STK33: variants seen among roughly 807,000 people sequenced by gnomAD.
The protein encoded by STK33 is serine/threonine-protein kinase 33.
In STK33, 52 loss-of-function variants were observed where a neutral mutation model predicts 58.0. The observed-to-expected ratio is 0.90, with a 90% CI of 0.72 to 1.13. The LOEUF is 1.13. STK33 is among the 50% of genes most tolerant of loss of function. The probability of loss-of-function intolerance (pLI) is 0.00; values close to 1 mark genes in which losing one functional copy is unlikely to be tolerated. For synonymous variants in STK33, 215 were observed against 200.1 expected, an observed-to-expected ratio of 1.07 and a Z score of -0.63; for missense variants, 630 against 604.2, an observed-to-expected ratio of 1.04 and a Z score of -0.45.
chr11:8,337,632 C>G, the STK33 span, among the ~76,000 whole-genome samples: 17 of 84,326 alleles, frequency 2.0e-4, no homozygotes, highest in African/African-American at 7.6e-4. Flanking sequence ...GGGAGCTTGA[C>G]GACGGCGGGG....
At chr11:8,530,424 C>G (rs897962111) in intron 1 of STK33, among the ~76,000 whole-genome samples, 1 of 150,096 alleles carries the variant, frequency 6.7e-6, no homozygotes, top group Non-Finnish European at 1.5e-5. Context: ...TTTCTTGTAC[C>G]AGTGGAGAAA....
At chr11:8,380,885 C>T in the STK33 span, among the ~76,000 whole-genome samples, 28 of 152,042 alleles carry the variant, frequency 1.8e-4, no homozygotes, top group Admixed American at 1.8e-3. Flanking sequence ...ATATATACAC[C>T]GTGGCATATA....
chr11:8,458,885 G>A (rs1291160635), intron 8 of STK33, among the ~76,000 whole-genome samples: 1 of 152,166 alleles, frequency 6.6e-6, no homozygotes, highest in Non-Finnish European at 1.5e-5. Context: ...CAATCAGTAA[G>A]TATGAAAACA....
chr11:8,426,374 C>G (rs1942757917), intron 14 of STK33, among the ~76,000 whole-genome samples: 1 of 152,200 alleles, frequency 6.6e-6, no homozygotes, highest in Non-Finnish European at 1.5e-5. Flanking sequence ...CTGCTAGGGT[C>G]TCGGGTTTTT....
At chr11:8,518,248 A>G (rs1263262484) in intron 1 of STK33, among the ~76,000 whole-genome samples, 1 of 152,200 alleles carries the variant, frequency 6.6e-6, no homozygotes, top group East Asian at 1.9e-4. Context: ...ACTAAGCTTC[A>G]TAAGTGAAGG....
intron 1 of STK33, among the ~76,000 whole-genome samples, chr11:8,540,998 A>C (rs866296854): frequency 0.04 from 5,784 of 143,626 alleles, 139 homozygotes; most frequent in South Asian, 0.053. Context: ...CTCTCTCTAT[A>C]TATATATATA....
At chr11:8,454,622 A>G in intron 10 of STK33, 122 bp downstream of exon 10, 3 of 1,225,996 alleles carry the variant, frequency 2.4e-6, no homozygotes, top group Non-Finnish European at 3.2e-6. Flanking sequence ...ATTTTTTAGC[A>G]CAAGCCACTT....
At chr11:8,425,436 T>C (rs534109840) in intron 14 of STK33, among the ~76,000 whole-genome samples, 30 of 152,350 alleles carry the variant, frequency 2.0e-4, no homozygotes, top group Admixed American at 1.0e-3. Context: ...TCCAGCTTTA[T>C]TCTTTTGGCT....
chr11:8,441,114 T>G (rs1185185898), intron 11 of STK33, among the ~76,000 whole-genome samples: 1 of 152,192 alleles, frequency 6.6e-6, no homozygotes, highest in South Asian at 2.1e-4. Flanking sequence ...CTTAAGTAGA[T>G]GTAACATAAT....
intron 1 of STK33, among the ~76,000 whole-genome samples, chr11:8,538,336 G>A (rs1238533849): frequency 6.6e-6 from 1 of 152,162 alleles, no homozygotes; most frequent in African/African-American, 2.4e-5. Context: ...TTTTACAAAT[G>A]AGGAAACTGA....
the STK33 span, among the ~76,000 whole-genome samples, chr11:8,368,647 A>G: frequency 6.6e-6 from 1 of 152,368 alleles, no homozygotes; most frequent in South Asian, 2.1e-4. Flanking sequence ...CCAGTTCTGA[A>G]GCCCTGCCCG....
chr11:8,542,329 A>C (rs1420674031), intron 1 of STK33, among the ~76,000 whole-genome samples: 1 of 152,264 alleles, frequency 6.6e-6, no homozygotes, highest in Non-Finnish European at 1.5e-5. Context: ...GACAAAAATC[A>C]CATGGAACAT....
At chr11:8,344,229 A>ACACACC in the STK33 span, among the ~76,000 whole-genome samples, 17 of 150,488 alleles carry the variant, frequency 1.1e-4, no homozygotes, top group African/African-American at 3.9e-4. Flanking sequence ...ACACACACAC[A>ACACACC]CCCCAGTTAG....
At chr11:8,348,205 C>T in the STK33 span, among the ~76,000 whole-genome samples, 4 of 152,222 alleles carry the variant, frequency 2.6e-5, no homozygotes, top group African/African-American at 9.6e-5. Context: ...GGGAACTTCC[C>T]CTGTGTTGTA....
intron 15 of STK33, among the ~76,000 whole-genome samples, chr11:8,409,679 T>G (rs1414339498): frequency 6.6e-6 from 1 of 152,214 alleles, no homozygotes; most frequent in Non-Finnish European, 1.5e-5. Context: ...GTTTACTAGT[T>G]TATTCCCACA....
At chr11:8,531,451 T>G (rs574460346) in intron 1 of STK33, among the ~76,000 whole-genome samples, 11 of 152,230 alleles carry the variant, frequency 7.2e-5, no homozygotes, top group Non-Finnish European at 1.5e-4. Context: ...GGGTTTGTCA[T>G]GTGATTACGT....
At chr11:8,423,745 T>C (rs1423447740) in intron 14 of STK33, among the ~76,000 whole-genome samples, 1 of 152,088 alleles carries the variant, frequency 6.6e-6, no homozygotes, top group Non-Finnish European at 1.5e-5. Flanking sequence ...ATTAAAATCA[T>C]CCATATATTT....
intron 2 of STK33, among the ~76,000 whole-genome samples, chr11:8,479,233 C>G (rs910480262): frequency 1.5e-4 from 23 of 151,970 alleles, no homozygotes; most frequent in African/African-American, 5.5e-4. Context: ...AACATCCTGA[C>G]CAACCTGGGG....
At chr11:8,406,582 G>A (rs1267455675) in intron 15 of STK33, among the ~76,000 whole-genome samples, 2 of 152,066 alleles carry the variant, frequency 1.3e-5, no homozygotes, top group Non-Finnish European at 2.9e-5. Flanking sequence ...TAAATATTTT[G>A]CATATATTTT....
Sources: allele counts gnomAD v4.1 joint callset (sites outside exome capture counted in the v4.1 genomes callset), GRCh38; gene constraint gnomAD v4.1.1; transcripts MANE v1.5; gene names NCBI Gene and HGNC (gene_info 2026-07-23, HGNC 2026-07-21).